Variants in KRT3 observed in about 807,000 individuals in gnomAD.
KRT3 encodes the protein keratin 3.
A neutral mutation model predicts 45.8 loss-of-function variants in KRT3; 34 were observed. The ratio of observed to expected loss-of-function variants is 0.74; its 90% CI spans 0.57 to 0.99. The LOEUF is 0.99. Among genes scored for constraint, KRT3 ranks in the 50% least tolerant of loss-of-function variants. The probability of loss-of-function intolerance (pLI) is 0.00; values close to 1 mark genes in which losing one functional copy is unlikely to be tolerated. For synonymous variants in KRT3, 367 were observed against 329.0 expected, an observed-to-expected ratio of 1.12 and a Z score of -1.25; for missense variants, 828 against 820.6, an observed-to-expected ratio of 1.01 and a Z score of -0.11.
At position 52,791,685 on chromosome 12, in the gene KRT3, T is replaced by C; in HGVS notation, c.1314+6A>G. 1 of 1,614,050 alleles carries C rather than the reference T, an allele frequency of 6.2e-7. No homozygotes were observed. Among genetic ancestry groups the C allele is most frequent in the Non-Finnish European group, 8.5e-7 (1 of 1,179,974 alleles). On this transcript the variant is annotated splice_donor_region_variant and intron_variant, in intron 6 of 8. Transcript: ENST00000417996. ...TCCCAGGTGCCAGCATCCATGACCA[T>C]CCCACCTGCTTCTTGACACCCTCGA...
intron 7 of KRT3, 52 bp downstream of exon 7, chr12:52,791,154 T>C: frequency 6.2e-7 from 1 of 1,612,570 alleles, no homozygotes; most frequent in South Asian, 1.1e-5. Context: ...TATCTGGCCC[T>C]TGGCCTATGA....
Position 52,796,004 on chromosome 12 carries a change from G to C in KRT3, c.39C>G (p.Ser13Arg), listed in dbSNP as rs201738438. The change falls in exon 1 of 9, where the codon AGC becomes AGG. Residue 13 changes from serine (S) to arginine (R), a missense_variant. Transcript: ENST00000417996. ...RQASKTSGGGSQGFSGRSAVV... is the reference protein window; with the variant it reads ...RQASKTSGGGRQGFSGRSAVV... ...CAGCAGAGCGGCCGGAGAAACCCTG[G>C]CTCCCGCCACCAGATGTCTTGCTGG... The C allele has an allele frequency of 1.6e-5, 26 of 1,613,646 alleles. No individual in the cohort carries two copies. Among genetic ancestry groups the C allele is most frequent in the Non-Finnish European group, 1.9e-5 (23 of 1,179,932 alleles).
Position 52,789,963 on chromosome 12 carries a change from C to T in KRT3, c.*79G>A. The T allele has an allele frequency of 3.6e-6, 5 of 1,394,324 alleles. No individual in the cohort carries two copies. The highest frequency in any genetic ancestry group is 1.2e-5 in the South Asian group (1 of 81,216). The allele number at this position is 1,394,324 out of a possible 1,614,324, so 86.4% of individuals were successfully genotyped here. On this transcript the variant is annotated 3_prime_UTR_variant, in exon 9 of 9. Transcript: ENST00000417996. ...CGCGTTCTTGGGGAGCATGGGGTGG[C>T]GCTGGGGGTGTTGCCAATATGGGGG...
intron 4 of KRT3, 49 bp from the exon 5 acceptor site, chr12:52,792,452 C>A: frequency 6.4e-7 from 1 of 1,561,940 alleles, no homozygotes; most frequent in South Asian, 1.1e-5. Flanking sequence ...CTGTAACAAG[C>A]ACACAGGGCC....
Position 52,795,409 on chromosome 12 carries a change from A to T in KRT3, c.634T>A (p.Phe212Ile). Residue 212 changes from phenylalanine to isoleucine, a missense_variant, in exon 1 of 9, where the codon TTC becomes ATC. Transcript: ENST00000417996. ...IKTLNNKFASFIDKVRFLEQQ... is the reference protein window; with the variant it reads ...IKTLNNKFASIIDKVRFLEQQ... ...CAAAGCTTCATTACCTTGTCAATGA[A>T]GGAGGCAAACTTGTTGTTGAGGGTC... 1 of 1,614,196 alleles carries T rather than the reference A, an allele frequency of 6.2e-7. No individual in the cohort carries two copies. Among genetic ancestry groups the T allele is most frequent in the Non-Finnish European group, 8.5e-7 (1 of 1,180,032 alleles).
Position 52,791,410 on chromosome 12 carries a change from G to A in KRT3, c.1331C>T (p.Thr444Met), listed in dbSNP as rs199625544. The A allele has an allele frequency of 4.0e-5, 64 of 1,614,180 alleles. No individual in the cohort carries two copies. In the East Asian group the frequency reaches 6.9e-4, roughly 17 times the overall value. Residue 444 changes from threonine to methionine, a missense_variant, in exon 7 of 9, where the codon ACG becomes ATG. Physicochemically the swap from Thr to Met is moderately conservative, Grantham distance 81. Transcript: ENST00000417996. ...GVKKQNANLQTAIAEAEQHGE... is the reference protein window; with the variant it reads ...GVKKQNANLQMAIAEAEQHGE... ...ATGCTGCTCGGCCTCGGCAATGGCC[G>A]TCTGCAGGTTGGCATTCTGGGGCAA... is the stretch of plus-strand genomic sequence containing the variant.
In KRT3 at chr12:52,791,325, CT is replaced by C. The variant is rs750776553; in HGVS notation, c.1415del (p.Gln472ArgfsTer17). 1 of 1,614,252 alleles carries C rather than the reference CT, an allele frequency of 6.2e-7. No homozygotes were observed. Among genetic ancestry groups the C allele is most frequent in the Admixed American group, 1.7e-5 (1 of 60,036 alleles). Reference protein sequence around the residue: ...AKLQELQAALQQAKDDLARLL... With the variant: ...AKLQELQAALXQAKDDLARLL... ...GCCGCGCCAGGTCATCCTTCGCCTG[CT>C]GTAGAGCAGCCTGCAGCTCTTGGAG... On this transcript the variant is annotated frameshift_variant, in exon 7 of 9. Coordinates refer to ENST00000417996, the MANE Select transcript of KRT3 (RefSeq NM_057088.3). LOFTEE classifies it high-confidence loss of function.
Position 52,790,366 on chromosome 12 carries a change from G to T in KRT3, c.1571-8C>A. 3 of 1,590,706 alleles carry T rather than the reference G, an allele frequency of 1.9e-6. No homozygotes were observed. Among genetic ancestry groups the T allele is most frequent in the Non-Finnish European group, 2.6e-6 (3 of 1,168,418 alleles). On this transcript the variant is annotated splice_region_variant and splice_polypyrimidine_tract_variant and intron_variant, in intron 8 of 8. Transcript: ENST00000417996. ...TGCTGCTGCTGACCACGGCTGTGGGGGAGAGGACAGGACAGCGATCAGCGA... is the reference window on the plus strand; with the variant it reads ...TGCTGCTGCTGACCACGGCTGTGGGTGAGAGGACAGGACAGCGATCAGCGA...
rs898952764 is a variant in KRT3, at chr12:52,791,254, T to A, written c.1487A>T (p.Asp496Val). Reference protein sequence around the residue: ...QELMNVKLALDVEIATYRKLL... With the variant: ...QELMNVKLALVVEIATYRKLL... ...CTTGCGGTAGGTGGCGATCTCCACG[T>A]CCAGGGCCAGCTTGACATTCATCAG... Residue 496 changes from aspartate (D) to valine (V), a missense_variant, in exon 7 of 9, where the codon GAC becomes GTC. Asp to Val is a radical substitution (Grantham distance 152). Transcript: ENST00000417996. The A allele has an allele frequency of 5.0e-6, 8 of 1,614,226 alleles. No individual in the cohort carries two copies. The highest frequency in any genetic ancestry group is 1.7e-5 in the Admixed American group (1 of 60,036).
intron 5 of KRT3, 57 bp from the exon 6 acceptor site, chr12:52,791,873 C>A: frequency 1.3e-6 from 2 of 1,566,148 alleles, no homozygotes; most frequent in South Asian, 1.2e-5. Flanking sequence ...CTTGTTTCTA[C>A]ACCTCCAACA....
rs768851365 is a variant in KRT3, at chr12:52,791,217, G to A, written c.1524C>T (p.Gly508=). ...GACTGGAGGCTCACCTGTACTCCTC[G>A]CCCTCCAGCAGCTTGCGGTAGGTGG... ...EIATYRKLLE[G]EEYRMSGECP... The change falls in exon 7 of 9, where the codon GGC becomes GGT. Residue 508 remains glycine, a synonymous_variant. Coordinates refer to ENST00000417996, the MANE Select transcript of KRT3 (RefSeq NM_057088.3). The A allele has an allele frequency of 2.1e-5, 34 of 1,614,080 alleles. No homozygotes were observed. The highest frequency in any genetic ancestry group is 1.5e-4 in the Admixed American group (9 of 60,008).
intron 7 of KRT3, 96 bp downstream of exon 7, chr12:52,791,110 A>G (rs534332493): frequency 6.3e-7 from 1 of 1,579,592 alleles, no homozygotes; most frequent in South Asian, 1.1e-5. Flanking sequence ...CTCTCTTTAT[A>G]CAGCAGGGCT....
At chr12:52,795,366 C>T (rs1361139997) in intron 1 of KRT3, 32 bp downstream of exon 1, 2 of 1,613,142 alleles carry the variant, frequency 1.2e-6, no homozygotes, top group Non-Finnish European at 1.7e-6. Flanking sequence ...GTCCCCAGCC[C>T]AGGAAGGGAT....
chr12:52,794,016 C>A, intron 2 of KRT3, 95 bp downstream of exon 2: 2 of 904,174 alleles, frequency 2.2e-6, no homozygotes. Flanking sequence ...GGCCAGGAGA[C>A]GCCACTGCCC....
Position 52,792,418 on chromosome 12 carries a change from G to A in KRT3, c.1024-15C>T. 1 of 1,613,024 alleles carries A rather than the reference G, an allele frequency of 6.2e-7. No individual in the cohort carries two copies. Among genetic ancestry groups the A allele is most frequent in the Non-Finnish European group, 8.5e-7 (1 of 1,179,930 alleles). On this transcript the variant is annotated splice_polypyrimidine_tract_variant and intron_variant, in intron 4 of 8. Coordinates refer to ENST00000417996, the MANE Select transcript of KRT3 (RefSeq NM_057088.3). ...TGAGATAGCTCCTGTCAACACAGAG[G>A]GAGCTTGTTCACTTTTGGGGTCCCT...
rs1384703143 is a variant in KRT3 at position 52,794,033 on chromosome 12, CA to C, written c.866+77del. On this transcript the variant is annotated intron_variant, in intron 2 of 8. Coordinates refer to ENST00000417996, the MANE Select transcript of KRT3 (RefSeq NM_057088.3). ...CCAGGAGACGCCACTGCCCAGCAGTCAGGGGGCATGTAGAAGGGGCCAAGAC... is the reference window on the plus strand; with the variant it reads ...CCAGGAGACGCCACTGCCCAGCAGTCGGGGGCATGTAGAAGGGGCCAAGAC... 3.6e-6 allele frequency: 4 copies of C among 1,108,100 alleles called. No individual in the cohort carries two copies. The African/African-American group carries it at 4.6e-5, about 13-fold the overall frequency. 68.6% of individuals were successfully genotyped at this position (1,108,100 alleles called of 1,614,324 possible).
Position 52,789,807 on chromosome 12 carries a change from G to C in KRT3, c.*235C>G, listed in dbSNP as rs1939442778. 1 of 616,396 alleles carries C rather than the reference G, an allele frequency of 1.6e-6. No individual in the cohort carries two copies. Among genetic ancestry groups the C allele is most frequent in the East Asian group, 2.7e-5 (1 of 36,496 alleles). The allele number at this position is 616,396 out of a possible 1,614,324, so 38.2% of individuals were successfully genotyped here. ...GGACTCCGGGGCAGCAGAAGGTGGC[G>C]GCCTAGGCCACACCTGGACAATCAC... On this transcript the variant is annotated 3_prime_UTR_variant, in exon 9 of 9. Coordinates refer to ENST00000417996, the MANE Select transcript of KRT3 (RefSeq NM_057088.3).
In KRT3 at chr12:52,789,849, C is replaced by T. The variant is rs1006319498; in HGVS notation, c.*193G>A. 6.1e-5 allele frequency: 41 copies of T among 673,506 alleles called. No individual in the cohort carries two copies. The African/African-American group carries it at 6.8e-4, about 11-fold the overall frequency. The allele number at this position is 673,506 out of a possible 1,614,324, so 41.7% of individuals were successfully genotyped here. A position where few individuals can be genotyped will look rare whatever the true frequency, so the allele number is the denominator to read the frequency against. ...GACAATCACAGGCACAGGCTGGAGC[C>T]GGAGAGAAGAGCCTGAAATTCTCGT... On this transcript the variant is annotated 3_prime_UTR_variant, in exon 9 of 9. Coordinates refer to ENST00000417996, the MANE Select transcript of KRT3 (RefSeq NM_057088.3).
At chr12:52,792,667 A>T (rs781362716) in intron 4 of KRT3, 44 bp downstream of exon 4, 1 of 1,395,454 alleles carries the variant, frequency 7.2e-7, no homozygotes, top group East Asian at 2.3e-5. Flanking sequence ...ATCTGGAAAC[A>T]CCTCACTCTC....
Sources: gnomAD v4.1 joint callset for allele counts on GRCh38, gnomAD v4.1.1 for gene constraint, MANE v1.5 for transcripts, NCBI Gene and HGNC (gene_info 2026-07-23, HGNC 2026-07-21) for gene names.